The following SAMMSON variants were observed in gnomAD, a reference collection of about 807,000 sequenced individuals.
The protein encoded by SAMMSON is survival associated mitochondrial melanoma specific oncogenic non-coding RNA.
intron 6 of SAMMSON, chr3:70,291,121 T>C (rs928842443): frequency 1.3e-5 from 2 of 152,214 alleles, no homozygotes; most frequent in South Asian, 2.1e-4. Flanking sequence ...AAGAATATCA[T>C]TGAAAGCAGT....
At chr3:70,169,569 G>T (rs1045958905) in intron 4 of SAMMSON, among the ~76,000 whole-genome samples, 12 of 151,772 alleles carry the variant, frequency 7.9e-5, no homozygotes, top group Non-Finnish European at 1.3e-4. Flanking sequence ...CATGGCGAAG[G>T]TTCCTTGCTT....
chr3:70,127,711 G>A (rs9811076), intron 4 of SAMMSON: 35,821 of 151,890 alleles, frequency 0.24, 4,661 homozygotes, highest in East Asian at 0.51. Context: ...GTGCAATCTC[G>A]GCTCACTTCA....
chr3:70,341,084 A>G (rs1337786535), intron 7 of SAMMSON, among the ~76,000 whole-genome samples: 2 of 152,064 alleles, frequency 1.3e-5, no homozygotes, highest in Non-Finnish European at 2.9e-5. Flanking sequence ...AGTCATTGTC[A>G]TCATGTTTAT....
At chr3:70,340,422 A>C (rs76907147) in intron 7 of SAMMSON, among the ~76,000 whole-genome samples, 8,955 of 152,020 alleles carry the variant, frequency 0.059, 352 homozygotes, top group South Asian at 0.099. Flanking sequence ...ATCCTTAGAA[A>C]GCCCTGCTTG....
chr3:70,186,387 A>C (rs1440386539), intron 4 of SAMMSON, among the ~76,000 whole-genome samples: 1 of 151,912 alleles, frequency 6.6e-6, no homozygotes, highest in East Asian at 1.9e-4. Flanking sequence ...CCTGCCAAAT[A>C]ATTGGGACTA....
intron 7 of SAMMSON, among the ~76,000 whole-genome samples, chr3:70,297,614 T>C (rs893970317): frequency 1.3e-5 from 2 of 152,138 alleles, no homozygotes; most frequent in Non-Finnish European, 2.9e-5. Context: ...TGCATTAAAT[T>C]CTTCCTTCAA....
intron 4 of SAMMSON, among the ~76,000 whole-genome samples, chr3:70,160,724 C>T (rs9839195): frequency 0.39 from 59,121 of 151,688 alleles, 12,053 homozygotes; most frequent in East Asian, 0.71. Flanking sequence ...TCTGAAACCG[C>T]AACAAGGAAA....
At chr3:70,203,677 C>T (rs1701264771) in intron 4 of SAMMSON, among the ~76,000 whole-genome samples, 1 of 152,028 alleles carries the variant, frequency 6.6e-6, no homozygotes, top group South Asian at 2.1e-4. Flanking sequence ...TCATTTTATT[C>T]AGTAGTCCAT....
intron 4 of SAMMSON, among the ~76,000 whole-genome samples, chr3:70,160,026 G>T (rs1205966122): frequency 6.6e-6 from 1 of 151,896 alleles, no homozygotes; most frequent in Non-Finnish European, 1.5e-5. Context: ...AGATTTCTTT[G>T]TAATTTCTGG....
intron 2 of SAMMSON, among the ~76,000 whole-genome samples, chr3:70,422,882 T>A (rs927487473): frequency 2.0e-5 from 3 of 151,992 alleles, no homozygotes; most frequent in Non-Finnish European, 4.4e-5. Flanking sequence ...TCATCTAATA[T>A]GATTATCTCA....
intron 4 of SAMMSON, among the ~76,000 whole-genome samples, chr3:70,166,178 C>T (rs2067636133): frequency 6.6e-6 from 1 of 151,930 alleles, no homozygotes; most frequent in African/African-American, 2.4e-5. Context: ...GGTTGAATTC[C>T]AGCTCTGCAG....
At chr3:70,293,640 T>C (rs908568023) in intron 7 of SAMMSON, among the ~76,000 whole-genome samples, 5 of 151,986 alleles carry the variant, frequency 3.3e-5, no homozygotes, top group African/African-American at 1.2e-4. Context: ...AAATAAGACA[T>C]TTTTTTGTAG....
At chr3:70,038,138 A>C (rs2067093113) in intron 3 of SAMMSON, among the ~76,000 whole-genome samples, 1 of 152,156 alleles carries the variant, frequency 6.6e-6, no homozygotes, top group Admixed American at 6.6e-5. Context: ...GGTTTGTCCC[A>C]ACCACAACTC....
intron 9 of SAMMSON, among the ~76,000 whole-genome samples, chr3:70,383,093 A>G (rs1703086957): frequency 6.6e-6 from 1 of 152,128 alleles, no homozygotes; most frequent in South Asian, 2.1e-4. Flanking sequence ...TCCTTCCACT[A>G]GGAGATTGGA....
At chr3:70,389,211 T>C (rs772874171) in intron 9 of SAMMSON, among the ~76,000 whole-genome samples, 6 of 152,122 alleles carry the variant, frequency 3.9e-5, no homozygotes, top group Non-Finnish European at 8.8e-5. Context: ...CTTTCCTTTA[T>C]AAACTACCCA....
At chr3:70,184,495 T>A (rs1701077318) in intron 4 of SAMMSON, among the ~76,000 whole-genome samples, 1 of 152,240 alleles carries the variant, frequency 6.6e-6, no homozygotes, top group African/African-American at 2.4e-5. Context: ...TTTGGATCAT[T>A]ATGGCTAAGC....
intron 7 of SAMMSON, among the ~76,000 whole-genome samples, chr3:70,324,240 A>C (rs1431913210): frequency 6.6e-6 from 1 of 151,756 alleles, no homozygotes; most frequent in Non-Finnish European, 1.5e-5. Flanking sequence ...AGAGAGAGAG[A>C]GATCTCCCAG....
chr3:70,255,720 A>G (rs1701809482), intron 6 of SAMMSON, among the ~76,000 whole-genome samples: 1 of 152,126 alleles, frequency 6.6e-6, no homozygotes, highest in African/African-American at 2.4e-5. Flanking sequence ...TGGCCTCTCA[A>G]GGGGAGGATT....
At chr3:70,132,280 A>G (rs900316125) in intron 4 of SAMMSON, among the ~76,000 whole-genome samples, 1 of 152,116 alleles carries the variant, frequency 6.6e-6, no homozygotes, top group Non-Finnish European at 1.5e-5. Flanking sequence ...ATGGTTCTGG[A>G]CAGTCTTTGA....
Sources: allele counts gnomAD v4.1 joint callset (sites outside exome capture counted in the v4.1 genomes callset), GRCh38; gene constraint gnomAD v4.1.1; transcripts MANE v1.5; gene names NCBI Gene and HGNC (gene_info 2026-07-23, HGNC 2026-07-21).